IQSEC1: variants seen among roughly 807,000 people sequenced by gnomAD.
IQSEC1 encodes the protein IQ motif and Sec7 domain ArfGEF 1.
In IQSEC1, 31 loss-of-function variants were observed where a neutral mutation model predicts 91.0. The ratio of observed to expected loss-of-function variants is 0.34; its 90% CI spans 0.26 to 0.46. The LOEUF is 0.46. Among genes scored for constraint, IQSEC1 ranks in the 20% least tolerant of loss-of-function variants. The pLI, the probability that IQSEC1 is intolerant of heterozygous loss-of-function variation, is 1.00. For missense variants in IQSEC1, 1,388 were observed against 1,575.6 expected, an observed-to-expected ratio of 0.88 and a Z score of 2.02; for synonymous variants, 699 against 662.6, an observed-to-expected ratio of 1.05 and a Z score of -0.84.
intron 1 of IQSEC1, among the ~76,000 whole-genome samples, chr3:13,240,118 C>T (rs1237199372): frequency 6.6e-6 from 1 of 151,992 alleles, no homozygotes; most frequent in Non-Finnish European, 1.5e-5. Context: ...GTGGTTCATG[C>T]CTATAATCCT....
chr3:13,206,240 T>G (rs1343596716), intron 1 of IQSEC1, among the ~76,000 whole-genome samples: 1 of 137,578 alleles, frequency 7.3e-6, no homozygotes, highest in Non-Finnish European at 1.6e-5. Flanking sequence ...CAAAACATCA[T>G]GTATATAGGG....
chr3:13,188,915 G>T (rs1041016650), intron 1 of IQSEC1, among the ~76,000 whole-genome samples: 1 of 152,222 alleles, frequency 6.6e-6, no homozygotes, highest in African/African-American at 2.4e-5. Flanking sequence ...CAGGATTTGA[G>T]TGGGCCCTTA....
At chr3:13,123,402 T>C (rs1412601287) in intron 2 of IQSEC1, among the ~76,000 whole-genome samples, 1 of 152,220 alleles carries the variant, frequency 6.6e-6, no homozygotes, top group African/African-American at 2.4e-5. Flanking sequence ...TCTTTCCGGT[T>C]CCCATGGGGA....
rs1310258144 is a variant in IQSEC1 at position 12,922,212 on chromosome 3, G to T, written c.1761C>A (p.Thr587=). The change falls in exon 5 of 14, where the codon ACC becomes ACA. Residue 587 remains threonine, a synonymous_variant. Transcript: ENST00000613206. This position sits in a 1 kb window ranked among gnomAD's most constrained non-coding sequence, Gnocchi z 5.1. ...DCVVDEMDFS[T]MELDEALRKF... ...TCCTGAGGGCCTCATCCAGCTCCAT[G>T]GTAGAGAAGTCCATCTCGTCCACGA... 2.5e-6 allele frequency: 4 copies of T among 1,604,776 alleles called. No homozygotes were observed. The highest frequency in any genetic ancestry group is 2.7e-5 in the African/African-American group (2 of 74,610).
chr3:12,926,651 C>A (rs1002005096), intron 3 of IQSEC1, among the ~76,000 whole-genome samples: 9 of 152,342 alleles, frequency 5.9e-5, no homozygotes, highest in Non-Finnish European at 1.0e-4. Flanking sequence ...CCGGGCCTGA[C>A]CCCTTGCCCC....
At chr3:12,925,006 A>G in intron 3 of IQSEC1, among the ~76,000 whole-genome samples, 1 of 152,018 alleles carries the variant, frequency 6.6e-6, no homozygotes, top group East Asian at 1.9e-4. Flanking sequence ...TGGTACAAAC[A>G]CCTTCACCTA....
rs75365355 is a variant in IQSEC1 at position 12,997,181 on chromosome 3, T to C, written c.24-55316A>G. Among the ~76,000 whole-genome samples the C allele has an allele frequency of 1.9e-3, 290 of 152,258 alleles. 9 individuals carry two copies. In the East Asian group the frequency reaches 0.048, roughly 25 times the overall value. On this transcript the variant is annotated intron_variant, in intron 1 of 13. Coordinates refer to ENST00000613206, the MANE Select transcript of IQSEC1 (RefSeq NM_001134382.3). Reference sequence around the variant, plus strand: ...TCCAGGTCATATTTCTACTGAAAAATTCAAGGAACAGAAGACTGTATATCA... The same window carrying C: ...TCCAGGTCATATTTCTACTGAAAAACTCAAGGAACAGAAGACTGTATATCA...
At chr3:13,004,829 G>A (rs777493456) in intron 1 of IQSEC1, among the ~76,000 whole-genome samples, 6 of 152,090 alleles carry the variant, frequency 3.9e-5, no homozygotes, top group Non-Finnish European at 7.4e-5. Flanking sequence ...TGCTGGCCAC[G>A]CAAATATCCA....
At position 13,143,057 on chromosome 3, in the gene IQSEC1, C is replaced by T. The variant is rs556858617; in HGVS notation, c.302+21047G>A. Reference sequence around the variant, plus strand: ...CCTCCATGGATGCCCTCCACCCCATCCCGTCTCTTTCTTCATCTGGACTCA... The same window carrying T: ...CCTCCATGGATGCCCTCCACCCCATTCCGTCTCTTTCTTCATCTGGACTCA... On this transcript the variant is annotated intron_variant, in intron 2 of 15. Transcript: ENST00000648114. Among the ~76,000 whole-genome samples, 15 of 152,356 alleles carry T rather than the reference C, an allele frequency of 9.8e-5. 1 individual carries two copies. The South Asian group carries it at 3.1e-3, about 32-fold the overall frequency.
intron 2 of IQSEC1, among the ~76,000 whole-genome samples, chr3:13,086,870 C>T (rs1405128442): frequency 6.6e-6 from 1 of 152,254 alleles, no homozygotes; most frequent in East Asian, 1.9e-4. Flanking sequence ...TCTTTCTCAA[C>T]ATCTGTCTTC....
chr3:12,986,827 C>T (rs1042832559), intron 1 of IQSEC1: 6 of 252,602 alleles, frequency 2.4e-5, no homozygotes, highest in South Asian at 6.0e-5. Context: ...GACCGAGACC[C>T]GGCAGGGGCT....
intron 2 of IQSEC1, among the ~76,000 whole-genome samples, chr3:13,153,531 C>A (rs1455709128): frequency 2.6e-5 from 4 of 152,176 alleles, no homozygotes; most frequent in East Asian, 3.8e-4. Context: ...TGCTCCCAGC[C>A]CCAGTCCCCA....
At chr3:12,923,583 G>A (rs1696830362) in intron 4 of IQSEC1, among the ~76,000 whole-genome samples, 1 of 152,238 alleles carries the variant, frequency 6.6e-6, no homozygotes, top group Non-Finnish European at 1.5e-5. Flanking sequence ...GTGTATGTGA[G>A]TCTGCGTGTG....
At chr3:13,000,632 A>G (rs467008) in intron 1 of IQSEC1, among the ~76,000 whole-genome samples, 19,894 of 152,200 alleles carry the variant, frequency 0.13, 1,378 homozygotes, top group Middle Eastern at 0.19. Flanking sequence ...CATGCCCTGT[A>G]AGCAGACAGG....
At chr3:12,969,791 A>C (rs1436833530) in intron 1 of IQSEC1, among the ~76,000 whole-genome samples, 1 of 152,226 alleles carries the variant, frequency 6.6e-6, no homozygotes, top group Admixed American at 6.5e-5. Flanking sequence ...GCTGGGATTT[A>C]GAAGGGGATT....
chr3:13,082,088 C>T (rs933175852), intron 2 of IQSEC1, among the ~76,000 whole-genome samples: 8 of 152,112 alleles, frequency 5.3e-5, no homozygotes, highest in East Asian at 1.9e-4. Flanking sequence ...CCCCGAGTCG[C>T]GCAGGGCAGC....
intron 2 of IQSEC1, among the ~76,000 whole-genome samples, chr3:13,113,638 G>T (rs551804913): frequency 6.6e-6 from 1 of 152,210 alleles, no homozygotes; most frequent in East Asian, 1.9e-4. Context: ...TGCATGCGGC[G>T]GTGGGAATGT....
At chr3:12,932,277 CT>C (rs1388583086) in intron 3 of IQSEC1, among the ~76,000 whole-genome samples, 1 of 152,218 alleles carries the variant, frequency 6.6e-6, no homozygotes, top group Non-Finnish European at 1.5e-5. Flanking sequence ...GATGGTGTGG[CT>C]CTGCCTCCTG....
At chr3:13,080,973 C>T (rs1576241078) in intron 2 of IQSEC1, among the ~76,000 whole-genome samples, 1 of 152,226 alleles carries the variant, frequency 6.6e-6, no homozygotes, top group South Asian at 2.1e-4. Context: ...AAAGCTCAAA[C>T]AAATGTTAAG....
Sources: gnomAD v4.1 joint callset for allele counts (sites outside exome capture counted in the v4.1 genomes callset) on GRCh38, gnomAD v4.1.1 for gene constraint, Gnocchi (gnomAD v3.1) non-coding constraint, MANE v1.5 for transcripts, NCBI Gene and HGNC (gene_info 2026-07-23, HGNC 2026-07-21) for gene names.